Variants in TRAPPC9 observed in about 807,000 individuals in gnomAD.
The protein encoded by TRAPPC9 is trafficking protein particle complex subunit 9, also known as IKK2 binding protein.
In TRAPPC9, 83 loss-of-function variants were observed where a neutral mutation model predicts 124.0. That is an observed-to-expected ratio of 0.67 (90% CI 0.56 to 0.80). The LOEUF (loss-of-function observed/expected upper bound fraction) is 0.80, where lower values mean the gene tolerates loss of function less well. Among genes scored for constraint, TRAPPC9 ranks in the 30% least tolerant of loss-of-function variants. TRAPPC9 has a pLI of 0.00. For missense variants in TRAPPC9, 1,302 were observed against 1,508.3 expected, an observed-to-expected ratio of 0.86 and a Z score of 2.27; for synonymous variants, 638 against 617.5, an observed-to-expected ratio of 1.03 and a Z score of -0.49.
At chr8:139,899,708 C>G (rs1016317056) in intron 20 of TRAPPC9, among the ~76,000 whole-genome samples, 5 of 152,172 alleles carry the variant, frequency 3.3e-5, no homozygotes, top group African/African-American at 1.2e-4. Context: ...AGGGTCACTG[C>G]TCTGGTTTTC....
chr8:140,186,047 G>T (rs910002311), intron 17 of TRAPPC9, among the ~76,000 whole-genome samples: 4 of 152,154 alleles, frequency 2.6e-5, no homozygotes, highest in African/African-American at 9.7e-5. Flanking sequence ...TTACCCAAAA[G>T]CTATTGTCAC....
intron 19 of TRAPPC9, among the ~76,000 whole-genome samples, chr8:139,940,179 C>G (rs986101685): frequency 2.6e-5 from 4 of 152,212 alleles, no homozygotes; most frequent in African/African-American, 7.2e-5. Flanking sequence ...CCCTCAGACA[C>G]AAGGAGCGCA....
intron 7 of TRAPPC9, among the ~76,000 whole-genome samples, chr8:140,386,995 C>G (rs1180582137): frequency 1.3e-5 from 2 of 152,056 alleles, no homozygotes; most frequent in African/African-American, 2.4e-5. Flanking sequence ...CAGAACAGAG[C>G]CCTCAGAAAT....
At chr8:139,947,363 G>A (rs1834296374) in intron 19 of TRAPPC9, among the ~76,000 whole-genome samples, 1 of 152,264 alleles carries the variant, frequency 6.6e-6, no homozygotes, top group East Asian at 1.9e-4. Context: ...CAGGCTGCAG[G>A]AAAAGCAATG....
chr8:140,221,690 T>C (rs933673385), intron 16 of TRAPPC9, 107 bp from the exon 17 acceptor site: 2 of 1,423,794 alleles, frequency 1.4e-6, no homozygotes, highest in Admixed American at 2.0e-5. Context: ...CAAGCTGGAG[T>C]GCAGTGGTGC....
At chr8:140,342,946 T>C (rs1445643473) in intron 9 of TRAPPC9, among the ~76,000 whole-genome samples, 2 of 152,176 alleles carry the variant, frequency 1.3e-5, no homozygotes, top group Admixed American at 6.5e-5. Context: ...ATACGACACG[T>C]AGGGCTTTCA....
intron 6 of TRAPPC9, among the ~76,000 whole-genome samples, chr8:140,404,083 G>GA (rs2132421609): frequency 6.6e-6 from 1 of 152,208 alleles, no homozygotes; most frequent in South Asian, 2.1e-4. Context: ...ATAGGGGGAA[G>GA]AAAAAACAGA....
At chr8:140,446,623 G>A (rs937493876) in intron 2 of TRAPPC9, among the ~76,000 whole-genome samples, 3 of 151,974 alleles carry the variant, frequency 2.0e-5, no homozygotes, top group South Asian at 2.1e-4. Flanking sequence ...GCATGAGCTC[G>A]GCTCACTGCA....
At chr8:139,874,323 TC>T (rs1338088634) in intron 21 of TRAPPC9, among the ~76,000 whole-genome samples, 44 of 152,218 alleles carry the variant, frequency 2.9e-4, no homozygotes, top group African/African-American at 9.4e-4. Context: ...CCTCATTCAC[TC>T]TTTGATGGAG....
intron 16 of TRAPPC9, among the ~76,000 whole-genome samples, chr8:140,245,681 G>A (rs2063967806): frequency 6.6e-6 from 1 of 152,130 alleles, no homozygotes; most frequent in Non-Finnish European, 1.5e-5. Context: ...GTTTCCTGGA[G>A]TCTGGACTGC....
At chr8:139,940,379 T>TATC in intron 19 of TRAPPC9, among the ~76,000 whole-genome samples, 1 of 152,392 alleles carries the variant, frequency 6.6e-6, no homozygotes, top group Non-Finnish European at 1.5e-5. Flanking sequence ...CAACAAATAT[T>TATC]ATCATCGTCA....
chr8:140,108,615 C>A (rs2060709769), intron 17 of TRAPPC9, among the ~76,000 whole-genome samples: 1 of 152,170 alleles, frequency 6.6e-6, no homozygotes, highest in Admixed American at 6.6e-5. Flanking sequence ...AAGGATGAAG[C>A]CTGTTTGAAG....
intron 9 of TRAPPC9, among the ~76,000 whole-genome samples, chr8:140,348,853 C>T (rs1046148258): frequency 2.6e-5 from 4 of 152,038 alleles, no homozygotes; most frequent in African/African-American, 9.7e-5. Context: ...AAGAGACAAG[C>T]GGAGGCAGAA....
rs114985621 is a variant in TRAPPC9, at chr8:139,840,288, C to T, written c.3055+45591G>A. Among the ~76,000 whole-genome samples, 890 of 152,336 alleles carry T rather than the reference C, an allele frequency of 5.8e-3. 8 individuals are homozygous for T. Among genetic ancestry groups the T allele is most frequent in the African/African-American group, 0.019 (802 of 41,586 alleles). The stretch of plus-strand genomic sequence containing the variant: ...CAGATGCTGAGGAACAGCTGAGGAG[C>T]GGGGAAACTTCTGCCGCTTTCATGT... On this transcript the variant is annotated intron_variant, in intron 21 of 22. Coordinates refer to ENST00000438773, the MANE Select transcript of TRAPPC9 (RefSeq NM_001160372.4).
intron 21 of TRAPPC9, among the ~76,000 whole-genome samples, chr8:139,766,776 C>A (rs1820613196): frequency 6.6e-6 from 1 of 152,246 alleles, no homozygotes; most frequent in African/African-American, 2.4e-5. Flanking sequence ...CCTCTGCCCA[C>A]AAGAGCTCCC....
In TRAPPC9 at chr8:139,857,484, T is replaced by A. The variant is rs991446573; in HGVS notation, c.3055+28395A>T. On this transcript the variant is annotated intron_variant, in intron 21 of 22. Transcript: ENST00000438773. ...AGCCGAGGGTCACACAATAAACACA[T>A]GGGGCAACGTGGACCCCAGTCCAGG... Among the ~76,000 whole-genome samples, 4 of 152,122 alleles carry A rather than the reference T, an allele frequency of 2.6e-5. No individual in the cohort carries two copies. In the South Asian group the frequency reaches 6.2e-4, roughly 24 times the overall value.
chr8:139,762,083 G>A (rs1820272937), intron 21 of TRAPPC9, among the ~76,000 whole-genome samples: 1 of 151,794 alleles, frequency 6.6e-6, no homozygotes, highest in Non-Finnish European at 1.5e-5. Context: ...ACCCAGGACA[G>A]CCCTCTGAGC....
At chr8:140,009,995 C>T (rs1372745088) in intron 18 of TRAPPC9, among the ~76,000 whole-genome samples, 1 of 152,190 alleles carries the variant, frequency 6.6e-6, no homozygotes, top group Admixed American at 6.5e-5. Flanking sequence ...TCCATTGATG[C>T]AAACTTCACT....
At chr8:139,871,208 G>C (rs1437783362) in intron 21 of TRAPPC9, among the ~76,000 whole-genome samples, 2 of 152,134 alleles carry the variant, frequency 1.3e-5, no homozygotes, top group African/African-American at 4.8e-5. Context: ...AGGTGCCTTC[G>C]CTCTGTGGCT....
Sources: allele counts gnomAD v4.1 joint callset (sites outside exome capture counted in the v4.1 genomes callset), GRCh38; gene constraint gnomAD v4.1.1; transcripts MANE v1.5; gene names NCBI Gene and HGNC (gene_info 2026-07-23, HGNC 2026-07-21).